Variants in CYGB observed in about 807,000 individuals in gnomAD.
CYGB encodes the protein histoglobin.
In CYGB, 13 loss-of-function variants were observed where a neutral mutation model predicts 20.7. The ratio of observed to expected loss-of-function variants is 0.63; its 90% confidence interval spans 0.41 to 1.00. The LOEUF (loss-of-function observed/expected upper bound fraction) is 1.00, where lower values mean the gene tolerates loss of function less well. Among genes scored for constraint, CYGB ranks in the 50% least tolerant of loss-of-function variants. CYGB has a pLI of 0.00. For synonymous variants in CYGB, 93 were observed against 107.4 expected (o/e 0.87, Z 0.83); for missense variants, 218 against 257.2 (o/e 0.85, Z 1.04).
chr17:76,548,005 CACACAT>C (rs372488506), intron 1 of CYGB, among the ~76,000 whole-genome samples: 9 of 152,096 alleles, frequency 5.9e-5, no homozygotes, highest in African/African-American at 2.2e-4. Context: ...CACACACATT[CACACAT>C]ACACATGCAT....
upstream of CYGB, chr17:76,540,383 G>A (rs1043608064): frequency 6.1e-6 from 8 of 1,320,090 alleles, no homozygotes; most frequent in South Asian, 7.2e-5. The surrounding 1 kb of genome is among the most constrained non-coding windows in gnomAD (Gnocchi z 5.0). Flanking sequence ...GGGGGACTTA[G>A]AGCTTCAAAG....
chr17:76,544,947 C>T (rs998712705), intron 1 of CYGB: 1 of 456,706 alleles, frequency 2.2e-6, no homozygotes, highest in Non-Finnish European at 4.4e-6. Flanking sequence ...TCCAGGGATC[C>T]ATCCAGAGGA....
At chr17:76,534,659 C>T (rs900072002) in intron 1 of CYGB, among the ~76,000 whole-genome samples, 1 of 152,216 alleles carries the variant, frequency 6.6e-6, no homozygotes, top group South Asian at 2.1e-4. Flanking sequence ...TCCAAGATTG[C>T]CCAACAAAGT....
At chr17:76,544,888 G>T (rs189599263) in intron 1 of CYGB, 1 of 456,766 alleles carries the variant, frequency 2.2e-6, no homozygotes, top group Non-Finnish European at 4.4e-6. Flanking sequence ...CCAGGGCAGC[G>T]CCCCTCCACG....
In CYGB at chr17:76,531,281, C is replaced by G; in HGVS notation, c.376-139G>C. 3.3e-6 allele frequency: 4 copies of G among 1,224,218 alleles called. No individual in the cohort carries two copies. Among genetic ancestry groups the G allele is most frequent in the Non-Finnish European group, 4.5e-6 (4 of 880,024 alleles). The allele number at this position is 1,224,218 out of a possible 1,614,324, so 75.8% of individuals were successfully genotyped here. On this transcript the variant is annotated intron_variant, in intron 2 of 3. Transcript: ENST00000293230. The surrounding 1 kb of genome is among the most constrained non-coding windows in gnomAD (Gnocchi z 7.4). ...GGCAGCTTTGGGAACCCCGTGCTCTCAGGACAAGGGTTGCCCTGGACCCAG... is the reference window on the plus strand; with the variant it reads ...GGCAGCTTTGGGAACCCCGTGCTCTGAGGACAAGGGTTGCCCTGGACCCAG...
At position 76,543,264 on chromosome 17, in the gene CYGB, A is replaced by G. The variant is rs141875397; in HGVS notation, c.-53+7598T>C. ...TCTCGGACGGGCTTCCTTCCCTCTGAGTTCCTGAGGCTCCTCTGAGGGACT... is the reference window on the plus strand; with the variant it reads ...TCTCGGACGGGCTTCCTTCCCTCTGGGTTCCTGAGGCTCCTCTGAGGGACT... On this transcript the variant is annotated intron_variant, in intron 1 of 3. Coordinates refer to the CYGB transcript ENST00000589145. 2.7e-4 allele frequency: 97 copies of G among 361,120 alleles called. No homozygotes were observed. The East Asian group carries it at 6.8e-3, about 25-fold the overall frequency. The allele number at this position is 361,120 out of a possible 1,614,324, so 22.4% of individuals were successfully genotyped here. A position where few individuals can be genotyped will look rare whatever the true frequency, so the allele number is the denominator to read the frequency against.
At chr17:76,532,343 T>C (rs145108783) in intron 1 of CYGB, among the ~76,000 whole-genome samples, 36 of 152,248 alleles carry the variant, frequency 2.4e-4, no homozygotes, top group African/African-American at 8.2e-4. Context: ...ACCCTTTTCC[T>C]GTGTCAGACA....
Position 76,531,018 on chromosome 17 carries a change from T to C in CYGB, c.500A>G (p.Lys167Arg), listed in dbSNP as rs374993773. Residue 167 changes from lysine to arginine, a missense_variant, in exon 3 of 4, where the codon AAG becomes AGG. Around this residue, in one of 2 missense-constraint regions of CYGB, gnomAD observed 66 missense variants for 107.4 expected, o/e 0.61. Coordinates refer to ENST00000293230, the MANE Select transcript of CYGB (RefSeq NM_134268.5). The surrounding 1 kb of genome is among the most constrained non-coding windows in gnomAD (Gnocchi z 7.4). ...LIYSHVTAAY[K>R]EVGWVQQVPN... Reference sequence around the variant, plus strand: ...GACCTGCTGCACCCAGCCCACTTCCTTGTAGGCAGCGGTCACGTGGCTGTA... The same window carrying C: ...GACCTGCTGCACCCAGCCCACTTCCCTGTAGGCAGCGGTCACGTGGCTGTA... 23 of 1,612,812 alleles carry C rather than the reference T, an allele frequency of 1.4e-5. No individual in the cohort carries two copies. The African/African-American group carries it at 2.4e-4, about 17-fold the overall frequency.
At chr17:76,547,890 C>G (rs2075069687) in intron 1 of CYGB, among the ~76,000 whole-genome samples, 1 of 147,656 alleles carries the variant, frequency 6.8e-6, no homozygotes, top group Admixed American at 6.7e-5. Flanking sequence ...CATACACATA[C>G]ACACAGACAC....
rs548821504 is a variant in CYGB, at chr17:76,532,688, C to A, written c.144-997G>T. Among the ~76,000 whole-genome samples, 98 of 152,166 alleles carry A rather than the reference C, an allele frequency of 6.4e-4. 1 individual carries two copies. The highest frequency in any genetic ancestry group is 1.3e-3 in the Non-Finnish European group (85 of 67,988). ...CTGGGACTACAGGCATCCATCACCA[C>A]GCCCGGCTAGCTAATTTTTTGTATT... On this transcript the variant is annotated intron_variant, in intron 1 of 3. Transcript: ENST00000293230.
At chr17:76,540,673 G>A (rs1483462577), upstream of CYGB, 20 of 1,219,848 alleles carry the variant, frequency 1.6e-5, no homozygotes, top group African/African-American at 3.0e-5. This position sits in a 1 kb window ranked among gnomAD's most constrained non-coding sequence, Gnocchi z 5.0. Context: ...GCGCCTGTGC[G>A]TGCACCGTAT....
chr17:76,536,975 A>G (rs572606314), intron 1 of CYGB, among the ~76,000 whole-genome samples: 7 of 152,334 alleles, frequency 4.6e-5, no homozygotes, highest in Non-Finnish European at 5.9e-5. Context: ...AGCTGGAGAC[A>G]GGGTTCTGCT....
Position 76,531,217 on chromosome 17 carries a change from CA to C in CYGB, c.376-76del, listed in dbSNP as rs2074836817. Reference sequence around the variant, plus strand: ...CTGCAACCCCCAGGCCCCTCCGCCCCACGTGTGGCCGAGAGGATCATTCCTA... The same window carrying C: ...CTGCAACCCCCAGGCCCCTCCGCCCCCGTGTGGCCGAGAGGATCATTCCTA... On this transcript the variant is annotated intron_variant, in intron 2 of 3. Transcript: ENST00000293230. The surrounding 1 kb of genome is among the most constrained non-coding windows in gnomAD (Gnocchi z 7.4). 6.8e-7 allele frequency: 1 copy of C among 1,465,016 alleles called. No homozygotes were observed. Among genetic ancestry groups the C allele is most frequent in the African/African-American group, 1.4e-5 (1 of 71,174 alleles). 90.8% of individuals were successfully genotyped at this position (1,465,016 alleles called of 1,614,324 possible). A position where few individuals can be genotyped will look rare whatever the true frequency, so the allele number is the denominator to read the frequency against.
chr17:76,534,134 C>T lies in CYGB; in HGVS notation c.144-2443G>A, dbSNP rs915193556. On this transcript the variant is annotated intron_variant, in intron 1 of 3. Transcript: ENST00000293230. ...TTCTTCTTTCTTTCTTTCTTTCTCT[C>T]TCTCTTTCTCTTTCTCTCTCTCTCT... 1.3e-3 allele frequency among the ~76,000 whole-genome samples: 169 copies of T among 131,458 alleles called. 2 individuals are homozygous for T. Among genetic ancestry groups the T allele is most frequent in the Non-Finnish European group, 1.1e-3 (66 of 60,832 alleles). The allele number at this position is 131,458 out of a possible 152,430, so 86.2% of individuals were successfully genotyped here.
chr17:76,535,999 C>T (rs4647880), intron 1 of CYGB, among the ~76,000 whole-genome samples: 124,436 of 152,192 alleles, frequency 0.82, 51,075 homozygotes, highest in South Asian at 0.89. Context: ...CCTCCGAGGA[C>T]GCAGTCTGGC....
At position 76,531,545 on chromosome 17, in the gene CYGB, T is replaced by C. The variant is rs1331738198; in HGVS notation, c.290A>G (p.His97Arg). The C allele has an allele frequency of 6.2e-7, 1 of 1,614,046 alleles. No homozygotes were observed. The highest frequency in any genetic ancestry group is 8.5e-7 in the Non-Finnish European group (1 of 1,179,982). The change falls in exon 2 of 4, where the codon CAT (histidine) becomes CGT (arginine). Residue 97 changes from histidine (H) to arginine (R), a missense_variant. Physicochemically the swap from His to Arg is conservative, Grantham distance 29. This residue lies in a region of CYGB where 152 missense variants were observed against 149.9 expected (regional missense o/e 1.01). Transcript: ENST00000293230. This position sits in a 1 kb window ranked among gnomAD's most constrained non-coding sequence, Gnocchi z 7.4. ...GALNTVVENLHDPDKVSSVLA... is the reference protein window; with the variant it reads ...GALNTVVENLRDPDKVSSVLA... ...CACAGAGGACACCTTGTCGGGGTCA[T>C]GCAGGTTCTCCACGACAGTGTTGAG...
intron 3 of CYGB, chr17:76,529,321 C>G: frequency 1.3e-5 from 13 of 985,434 alleles, no homozygotes; most frequent in Non-Finnish European, 1.6e-5. Context: ...GAGTAACCCC[C>G]ATGGGGTGCC....
Position 76,531,639 on chromosome 17 carries a change from T to C in CYGB, c.196A>G (p.Met66Val). The change falls in exon 2 of 4, where the codon ATG becomes GTG. Residue 66 changes from methionine (M) to valine (V), a missense_variant. Physicochemically the swap from Met to Val is conservative, Grantham distance 21 (BLOSUM62 1). Around this residue, in one of 2 missense-constraint regions of CYGB, gnomAD observed 152 missense variants for 149.9 expected, o/e 1.01. Coordinates refer to ENST00000293230, the MANE Select transcript of CYGB (RefSeq NM_134268.5). This position sits in a 1 kb window ranked among gnomAD's most constrained non-coding sequence, Gnocchi z 7.4. ...AKQYFSQFKH[M>V]EDPLEMERSP... ...CGCTCCATCTCCAGGGGATCCTCCA[T>C]GTGCTTGAACTGGCTGAAGTACTGC... 1 of 1,611,972 alleles carries C rather than the reference T, an allele frequency of 6.2e-7. No individual in the cohort carries two copies. Among genetic ancestry groups the C allele is most frequent in the Non-Finnish European group, 8.5e-7 (1 of 1,178,162 alleles).
intron 1 of CYGB, among the ~76,000 whole-genome samples, chr17:76,536,654 T>C (rs529307902): frequency 5.3e-5 from 8 of 152,278 alleles, no homozygotes; most frequent in African/African-American, 1.9e-4. Context: ...CTTGGGGGCA[T>C]GTAGTGCCTG....
Sources: allele counts gnomAD v4.1 joint callset (sites outside exome capture counted in the v4.1 genomes callset), GRCh38; gene constraint gnomAD v4.1.1; regional missense constraint gnomAD v4.1.1; non-coding constraint Gnocchi (gnomAD v3.1); transcripts MANE v1.5; gene names NCBI Gene and HGNC (gene_info 2026-07-23, HGNC 2026-07-21).